AHCYL2: variants seen among roughly 807,000 people sequenced by gnomAD.
The protein encoded by AHCYL2 is S-adenosylhomocysteine hydrolase-like protein 2.
In AHCYL2, 28 loss-of-function variants were observed where a neutral mutation model predicts 81.4. The ratio of observed to expected loss-of-function variants is 0.34; its 90% CI spans 0.25 to 0.47. The LOEUF is 0.47. Ranked by LOEUF, AHCYL2 falls within the 20% of genes least tolerant of loss-of-function variation. The probability of loss-of-function intolerance (pLI) is 1.00; values close to 1 mark genes in which losing one functional copy is unlikely to be tolerated. For synonymous variants in AHCYL2, 272 were observed against 290.2 expected (o/e 0.94, Z 0.64); for missense variants, 551 against 785.1 (o/e 0.70, Z 3.56).
Position 129,251,546 on chromosome 7 carries a change from C to T in AHCYL2, c.363+26107C>T, listed in dbSNP as rs1259880431. On this transcript the variant is annotated intron_variant, in intron 1 of 16. Coordinates refer to ENST00000325006, the MANE Select transcript of AHCYL2 (RefSeq NM_015328.4). The stretch of plus-strand genomic sequence containing the variant: ...TATTACTAGGTTTATTATTCTCTTA[C>T]ATGTGTGCATTTAAAAAATTTGAAA... Among the ~76,000 whole-genome samples the T allele has an allele frequency of 2.0e-5, 3 of 152,174 alleles. No individual in the cohort carries two copies. In the South Asian group the frequency reaches 6.2e-4, roughly 32 times the overall value.
At chr7:129,276,910 A>G (rs748137886) in intron 1 of AHCYL2, among the ~76,000 whole-genome samples, 2 of 152,296 alleles carry the variant, frequency 1.3e-5, no homozygotes, top group African/African-American at 2.4e-5. Context: ...ATCTACAAAT[A>G]CAGCATAGAT....
rs1797029851 is a variant in AHCYL2 at position 129,419,806 on chromosome 7, TGAGTGGCCAGTTTATGG to T, written c.1462-3033_1462-3017del. ...ATAAGACCAATTTGTGCAAGCATAA[TGAGTGGCCAGTTTATGG>T]TGGGATGTACACCTGGTTTGGGAAG... On this transcript the variant is annotated intron_variant, in intron 12 of 16. Transcript: ENST00000325006. This position sits in a 1 kb window ranked among gnomAD's most constrained non-coding sequence, Gnocchi z 4.7. 6.6e-6 allele frequency among the ~76,000 whole-genome samples: 1 copy of T among 151,832 alleles called. No individual in the cohort carries two copies. Among genetic ancestry groups the T allele is most frequent in the Non-Finnish European group, 1.5e-5 (1 of 68,000 alleles).
chr7:129,300,295 C>T (rs1797215527), intron 1 of AHCYL2, among the ~76,000 whole-genome samples: 1 of 152,164 alleles, frequency 6.6e-6, no homozygotes, highest in Non-Finnish European at 1.5e-5. Flanking sequence ...AGCCTCCTCA[C>T]TACCCTTCCC....
intron 1 of AHCYL2, among the ~76,000 whole-genome samples, chr7:129,371,361 T>G (rs1323563304): frequency 6.6e-6 from 1 of 152,200 alleles, no homozygotes; most frequent in Non-Finnish European, 1.5e-5. Flanking sequence ...AGAATAGGAC[T>G]CACACCACAT....
rs780310675 is a variant in AHCYL2, at chr7:129,405,139, C to T, written c.1068C>T (p.Ala356=). ...AAGCTGGGAAGCTGTGTGTTCCAGC[C>T]ATGAATGTCAATGACTCAGTCACCA... The part of the protein sequence containing the change: ...LSKAGKLCVP[A]MNVNDSVTKQ... Residue 356 remains alanine, a synonymous_variant, in exon 8 of 17, where the codon GCC becomes GCT. Transcript: ENST00000325006. 1.9e-6 allele frequency: 3 copies of T among 1,605,528 alleles called. No individual in the cohort carries two copies. Among genetic ancestry groups the T allele is most frequent in the Non-Finnish European group, 2.6e-6 (3 of 1,176,266 alleles).
At chr7:129,225,518 C>G (rs970217895) in intron 1 of AHCYL2, 79 bp downstream of exon 1, 25 of 1,405,714 alleles carry the variant, frequency 1.8e-5, no homozygotes, top group Non-Finnish European at 2.3e-5. Context: ...GGCGGCACCA[C>G]CCTCCACGCC....
intron 1 of AHCYL2, among the ~76,000 whole-genome samples, chr7:129,279,184 T>C (rs1720018209): frequency 1.3e-5 from 2 of 152,116 alleles, no homozygotes; most frequent in Admixed American, 1.3e-4. Context: ...CTTTTGGCCA[T>C]GAATGGCATA....
intron 1 of AHCYL2, among the ~76,000 whole-genome samples, chr7:129,256,540 C>A (rs1795428852): frequency 1.3e-4 from 2 of 15,064 alleles, no homozygotes; most frequent in African/African-American, 2.1e-4. Flanking sequence ...TTCCCGCCCC[C>A]CACCCCCCAC....
intron 1 of AHCYL2, among the ~76,000 whole-genome samples, chr7:129,296,947 C>A (rs984950522): frequency 1.3e-5 from 2 of 152,178 alleles, no homozygotes; most frequent in East Asian, 3.9e-4. Flanking sequence ...TAAATTGGCT[C>A]AGTTGGAGTC....
At chr7:129,327,286 A>G (rs1425081143) in intron 1 of AHCYL2, among the ~76,000 whole-genome samples, 1 of 152,170 alleles carries the variant, frequency 6.6e-6, no homozygotes, top group Non-Finnish European at 1.5e-5. Flanking sequence ...CAGCAAAACA[A>G]TGGCTAGTTG....
chr7:129,388,098 T>C (rs913553548), intron 2 of AHCYL2: 1 of 152,216 alleles, frequency 6.6e-6, no homozygotes, highest in African/African-American at 2.4e-5. Flanking sequence ...CCCTTAAAAG[T>C]GATGGCAGTA....
intron 1 of AHCYL2, among the ~76,000 whole-genome samples, chr7:129,256,397 G>A (rs1037949811): frequency 6.6e-6 from 1 of 152,062 alleles, no homozygotes; most frequent in Non-Finnish European, 1.5e-5. Context: ...TTTAGGAGTA[G>A]CCTATGCATT....
At chr7:129,366,733 G>A (rs1041807020) in intron 1 of AHCYL2, among the ~76,000 whole-genome samples, 8 of 147,930 alleles carry the variant, frequency 5.4e-5, no homozygotes, top group East Asian at 2.0e-4. Flanking sequence ...CCGAGATCAC[G>A]CCATTGCACT....
At chr7:129,279,724 C>A (rs992228530) in intron 1 of AHCYL2, among the ~76,000 whole-genome samples, 6 of 152,226 alleles carry the variant, frequency 3.9e-5, no homozygotes, top group African/African-American at 1.4e-4. Context: ...ATTATTCATT[C>A]ATGAGTTTTG....
intron 1 of AHCYL2, among the ~76,000 whole-genome samples, chr7:129,312,888 A>G (rs1480549609): frequency 6.6e-6 from 1 of 152,038 alleles, no homozygotes; most frequent in Non-Finnish European, 1.5e-5. Context: ...TCTGTTTCTA[A>G]ACTTGAGCCC....
intron 1 of AHCYL2, among the ~76,000 whole-genome samples, chr7:129,294,438 C>A (rs1796984808): frequency 6.8e-6 from 1 of 146,020 alleles, no homozygotes; most frequent in African/African-American, 2.4e-5. Flanking sequence ...ACTTACATGC[C>A]TGTTAGTATT....
At chr7:129,328,159 G>C (rs1798292143) in intron 1 of AHCYL2, among the ~76,000 whole-genome samples, 1 of 151,954 alleles carries the variant, frequency 6.6e-6, no homozygotes, top group Non-Finnish European at 1.5e-5. Flanking sequence ...TAGTTATGCT[G>C]CATTTCCTGA....
chr7:129,258,444 G>A (rs1795504160), intron 1 of AHCYL2, among the ~76,000 whole-genome samples: 1 of 151,364 alleles, frequency 6.6e-6, no homozygotes, highest in African/African-American at 2.4e-5. Context: ...ACTTCTCCAT[G>A]TTCTTTTAGA....
At chr7:129,400,459 G>T in intron 6 of AHCYL2, 75 bp downstream of exon 6, 3 of 1,374,924 alleles carry the variant, frequency 2.2e-6, no homozygotes, top group Admixed American at 1.9e-5. Context: ...GCCTAGGAGA[G>T]GGTTTCCCAA....
Sources: allele counts gnomAD v4.1 joint callset (sites outside exome capture counted in the v4.1 genomes callset), GRCh38; gene constraint gnomAD v4.1.1; non-coding constraint Gnocchi (gnomAD v3.1); transcripts MANE v1.5; gene names NCBI Gene and HGNC (gene_info 2026-07-23, HGNC 2026-07-21).